The following CD99 variants were observed in gnomAD, a reference collection of about 807,000 sequenced individuals.
CD99 encodes CD99 antigen.
Under a neutral mutation model 28.4 loss-of-function variants are expected in CD99, and 19 were observed. The observed-to-expected ratio is 0.67, with a 90% CI of 0.47 to 0.98. The LOEUF is 0.98. Among genes scored for constraint, CD99 ranks in the 50% least tolerant of loss-of-function variants. CD99 has a pLI of 0.00. For missense variants in CD99, 283 were observed against 248.8 expected (o/e 1.14, Z -0.92); for synonymous variants, 103 against 92.1 (o/e 1.12, Z -0.67).
At chrX:2,740,666 C>G (rs1458917045) in intron 9 of CD99, 113 bp from the exon 10 acceptor site, 4 of 991,612 alleles carry the variant, frequency 4.0e-6, no homozygotes. Context: ...AGTTTTGGGC[C>G]CATTTTTCTT....
intron 8 of CD99, among the ~76,000 whole-genome samples, chrX:2,729,079 C>G (rs1010439645): frequency 1.3e-5 from 2 of 152,040 alleles, no homozygotes; most frequent in Non-Finnish European, 2.9e-5. Flanking sequence ...GGTTCCCCCC[C>G]GCAATCTTGG....
chrX:2,694,867 G>T (rs2047499467), intron 1 of CD99, among the ~76,000 whole-genome samples: 1 of 152,116 alleles, frequency 6.6e-6, no homozygotes, highest in Non-Finnish European at 1.5e-5. Flanking sequence ...TCAAGTAAAT[G>T]ATTGTTTGTC....
In CD99 at chrX:2,722,642, C is replaced by T; in HGVS notation, c.278C>T (p.Ala93Val). Residue 93 changes from alanine to valine, a missense_variant, in exon 6 of 10, where the codon GCT becomes GTT. Ala to Val is a moderately conservative substitution (Grantham distance 64). Transcript: ENST00000381192. The stretch of plus-strand genomic sequence containing the variant: ...TCTTTCCTAGGTAGCTTTTCAGATG[C>T]TGACCTTGCGGATGGCGTTTCAGGT... ...HPSSSGSFSD[A>V]DLADGVSGGE... is the part of the protein sequence containing the mutation. 1.2e-6 allele frequency: 2 copies of T among 1,613,960 alleles called. No individual in the cohort carries two copies. Among genetic ancestry groups the T allele is most frequent in the Non-Finnish European group, 1.7e-6 (2 of 1,179,856 alleles).
chrX:2,713,681 C>A (rs1328778711), intron 1 of CD99, among the ~76,000 whole-genome samples: 3 of 152,172 alleles, frequency 2.0e-5, no homozygotes, highest in Non-Finnish European at 2.9e-5. Context: ...TTGGACCCCT[C>A]GCCACCCACC....
chrX:2,707,055 C>T lies in CD99; in HGVS notation c.68-7367C>T, dbSNP rs147962276. On this transcript the variant is annotated intron_variant, in intron 1 of 9. Transcript: ENST00000381192. The stretch of plus-strand genomic sequence containing the variant: ...GTTTAAGATAACCCAAGTGTTCGGG[C>T]GCGGCGGCTCACATCTGTAATCCCT... 3.6e-4 allele frequency among the ~76,000 whole-genome samples: 55 copies of T among 152,218 alleles called. 1 individual carries two copies. The East Asian group carries it at 9.1e-3, about 25-fold the overall frequency.
At chrX:2,740,336 A>C (rs1021793143) in intron 9 of CD99, among the ~76,000 whole-genome samples, 1 of 152,148 alleles carries the variant, frequency 6.6e-6, no homozygotes, top group Non-Finnish European at 1.5e-5. Context: ...CCTTCTTCCA[A>C]ATCCCAGCTT....
intron 9 of CD99, among the ~76,000 whole-genome samples, chrX:2,739,211 T>C (rs2050088503): frequency 6.6e-6 from 1 of 152,070 alleles, no homozygotes; most frequent in Non-Finnish European, 1.5e-5. Flanking sequence ...GTGGAAAATG[T>C]GGTTAAGAAG....
intron 7 of CD99, among the ~76,000 whole-genome samples, chrX:2,725,026 C>T (rs2049201206): frequency 6.6e-6 from 1 of 151,026 alleles, no homozygotes; most frequent in Non-Finnish European, 1.5e-5. Flanking sequence ...CGCACCACTG[C>T]ACTCCAGCCT....
At chrX:2,726,125 G>A (rs1361556071) in intron 7 of CD99, 135 bp from the exon 8 acceptor site, 13 of 624,778 alleles carry the variant, frequency 2.1e-5, no homozygotes, top group African/African-American at 5.5e-5. Context: ...TTTGCAAATC[G>A]GTCAGCTCAG....
At chrX:2,705,488 A>T (rs1327263455) in intron 1 of CD99, among the ~76,000 whole-genome samples, 1 of 152,172 alleles carries the variant, frequency 6.6e-6, no homozygotes, top group Admixed American at 6.5e-5. Context: ...ACAAATACAC[A>T]TTGTATGTGT....
Position 2,735,210 on chromosome X carries a change from C to T in CD99, c.476-2990C>T, listed in dbSNP as rs182313594. 1.7e-3 allele frequency among the ~76,000 whole-genome samples: 266 copies of T among 152,232 alleles called. 2 individuals carry two copies. The highest frequency in any genetic ancestry group is 5.5e-3 in the African/African-American group (230 of 41,532). ...GGTCTCAGGATTGGCCCCAAGCACA[C>T]GGTGTGTGTGTGTGTATAAATATAT... On this transcript the variant is annotated intron_variant, in intron 8 of 9. Transcript: ENST00000381192.
chrX:2,732,040 T>A (rs1433323842), intron 8 of CD99, among the ~76,000 whole-genome samples: 4 of 151,326 alleles, frequency 2.6e-5, no homozygotes, highest in African/African-American at 9.7e-5. Context: ...AGAGACAGAG[T>A]CTTGCTATGT....
chrX:2,691,409 G>A lies in CD99; in HGVS notation c.49G>A (p.Val17Ile), dbSNP rs1304684909. The change falls in exon 1 of 10, where the codon GTT (valine) becomes ATT (isoleucine). Residue 17 changes from valine to isoleucine, a missense_variant. Transcript: ENST00000381192. ...LALLLFGLLGVLVAAPDGGFD... is the reference protein window; with the variant it reads ...LALLLFGLLGILVAAPDGGFD... ...GCTGCTGCTCTTCGGCCTGCTGGGT[G>A]TTCTGGTCGCCGCCCCGGGTGAGCG... The A allele has an allele frequency of 1.3e-6, 2 of 1,585,114 alleles. No homozygotes were observed. The highest frequency in any genetic ancestry group is 1.7e-5 in the Admixed American group (1 of 58,836).
intron 8 of CD99, among the ~76,000 whole-genome samples, chrX:2,729,431 C>T (rs1390877175): frequency 2.4e-5 from 2 of 82,074 alleles, no homozygotes; most frequent in Non-Finnish European, 5.1e-5. Flanking sequence ...GGGGAGGCCT[C>T]AGGAAACTTA....
intron 8 of CD99, among the ~76,000 whole-genome samples, chrX:2,732,641 C>T (rs1375836784): frequency 7.2e-6 from 1 of 138,824 alleles, no homozygotes; most frequent in Non-Finnish European, 1.6e-5. Context: ...CCTCCTTTTC[C>T]TTTTTCTCTC....
chrX:2,710,294 C>T (rs994416021), intron 1 of CD99, among the ~76,000 whole-genome samples: 2 of 152,116 alleles, frequency 1.3e-5, no homozygotes, highest in Non-Finnish European at 2.9e-5. Flanking sequence ...AGACTCTGGT[C>T]TTAGAAACCT....
Position 2,692,183 on chromosome X carries a change from C to T in CD99, c.67+756C>T, listed in dbSNP as rs145867507. On this transcript the variant is annotated intron_variant, in intron 1 of 9. Transcript: ENST00000381192. ...TACTTTAATCATGTTTTTCTGTTTC[C>T]CTCCCTTTGAAACGGAAACGGAGAC... 4,815 of 488,168 alleles carry T rather than the reference C, an allele frequency of 9.9e-3. 290 individuals carry two copies. The East Asian group carries it at 0.12, about 12-fold the overall frequency. 30.2% of individuals were successfully genotyped at this position (488,168 alleles called of 1,614,324 possible).
In CD99 at chrX:2,722,608, G is replaced by A. The variant is rs1266636323; in HGVS notation, c.263-19G>A. ...GAGGAGTTCCAGGTTGACAGGTGATGCTGTATTTTCTTTCCTAGGTAGCTT... is the reference window on the plus strand; with the variant it reads ...GAGGAGTTCCAGGTTGACAGGTGATACTGTATTTTCTTTCCTAGGTAGCTT... On this transcript the variant is annotated intron_variant, in intron 5 of 9. Coordinates refer to ENST00000381192, the MANE Select transcript of CD99 (RefSeq NM_002414.5). 1.9e-6 allele frequency: 3 copies of A among 1,613,448 alleles called. No individual in the cohort carries two copies. In the South Asian group the frequency reaches 3.3e-5, roughly 18 times the overall value.
intron 7 of CD99, among the ~76,000 whole-genome samples, chrX:2,725,301 A>G (rs1360315604): frequency 1.3e-5 from 2 of 151,814 alleles, no homozygotes; most frequent in Non-Finnish European, 2.9e-5. Context: ...GGAAGGCTGA[A>G]GTGGGAGGAT....
Sources: gnomAD v4.1 joint callset for allele counts (sites outside exome capture counted in the v4.1 genomes callset) on GRCh38, gnomAD v4.1.1 for gene constraint, MANE v1.5 for transcripts, NCBI Gene and HGNC (gene_info 2026-07-23, HGNC 2026-07-21) for gene names.